Variants in SYT9 observed in about 807,000 individuals in gnomAD.
SYT9 encodes synaptotagmin 9.
SYT9 carries 22 observed loss-of-function variants against 48.4 expected under a neutral mutation model. The ratio of observed to expected loss-of-function variants is 0.45; its 90% CI spans 0.32 to 0.65. The LOEUF is 0.65. Among genes scored for constraint, SYT9 ranks in the 30% least tolerant of loss-of-function variants. The probability of loss-of-function intolerance (pLI) is 0.03; values close to 1 mark genes in which losing one functional copy is unlikely to be tolerated. For synonymous variants in SYT9, 265 were observed against 245.0 expected, an observed-to-expected ratio of 1.08 and a Z score of -0.76; for missense variants, 577 against 622.0, an observed-to-expected ratio of 0.93 and a Z score of 0.77.
At chr11:7,246,235 C>T (rs61880865) in intron 1 of SYT9, among the ~76,000 whole-genome samples, 1 of 152,034 alleles carries the variant, frequency 6.6e-6, no homozygotes, top group Non-Finnish European at 1.5e-5. Context: ...TGCTGGCCAC[C>T]AGTGGCCTAG....
chr11:7,364,987 C>T (rs1471959812), intron 3 of SYT9, among the ~76,000 whole-genome samples: 2 of 152,110 alleles, frequency 1.3e-5, no homozygotes, highest in Non-Finnish European at 2.9e-5. Context: ...TTATGGATTG[C>T]TAGGGGTCTC....
intron 1 of SYT9, among the ~76,000 whole-genome samples, chr11:7,261,865 T>C (rs1225917599): frequency 6.6e-6 from 1 of 152,100 alleles, no homozygotes; most frequent in East Asian, 1.9e-4. Context: ...GGCAGACTGA[T>C]TGTAGGCCTC....
At chr11:7,356,849 G>A (rs1238367178) in intron 3 of SYT9, among the ~76,000 whole-genome samples, 1 of 152,084 alleles carries the variant, frequency 6.6e-6, no homozygotes, top group African/African-American at 2.4e-5. Flanking sequence ...AACTGTTACT[G>A]TGTGCCAGGC....
At chr11:7,277,389 AT>A (rs1275136597) in intron 1 of SYT9, among the ~76,000 whole-genome samples, 4 of 152,222 alleles carry the variant, frequency 2.6e-5, no homozygotes, top group African/African-American at 9.6e-5. Flanking sequence ...TGAACATTGC[AT>A]TGTTGCTTTT....
chr11:7,389,431 C>T (rs1210787549), intron 3 of SYT9, among the ~76,000 whole-genome samples: 1 of 152,110 alleles, frequency 6.6e-6, no homozygotes, highest in Non-Finnish European at 1.5e-5. Flanking sequence ...CCAGTTAAAT[C>T]CATCAGGTGA....
At chr11:7,380,689 G>GATAA (rs1850544725) in intron 3 of SYT9, among the ~76,000 whole-genome samples, 2 of 152,180 alleles carry the variant, frequency 1.3e-5, no homozygotes, top group African/African-American at 4.8e-5. Context: ...GTCTCTAGTG[G>GATAA]GTTATGGCTG....
upstream of SYT9, among the ~76,000 whole-genome samples, chr11:7,251,130 A>ACC (rs1847859743): frequency 7.9e-6 from 1 of 127,230 alleles, no homozygotes; most frequent in African/African-American, 2.6e-5. Flanking sequence ...ACACACACAC[A>ACC]CACCCAGAGT....
Position 7,288,280 on chromosome 11 carries a change from A to G in SYT9, c.146-14759A>G, listed in dbSNP as rs555940781. 4.9e-3 allele frequency among the ~76,000 whole-genome samples: 499 copies of G among 101,086 alleles called. 3 individuals carry two copies. The highest frequency in any genetic ancestry group is 8.3e-3 in the Admixed American group (78 of 9,416). The allele number at this position is 101,086 out of a possible 152,430, so 66.3% of individuals were successfully genotyped here. A position where few individuals can be genotyped will look rare whatever the true frequency, so the allele number is the denominator to read the frequency against. ...GTATTTGGTAAAACTATGGCATTAT[A>G]TGTATTTGTAAAAAAAAAAAAACTC... is the stretch of plus-strand genomic sequence containing the variant. On this transcript the variant is annotated intron_variant, in intron 1 of 6. Transcript: ENST00000318881.
intron 1 of SYT9, among the ~76,000 whole-genome samples, chr11:7,255,415 TA>T (rs1847950364): frequency 6.6e-6 from 1 of 152,148 alleles, no homozygotes; most frequent in Non-Finnish European, 1.5e-5. Context: ...CTGAATGAGA[TA>T]GGAAGCCATT....
At chr11:7,368,053 A>G (rs563084902) in intron 3 of SYT9, among the ~76,000 whole-genome samples, 2 of 152,358 alleles carry the variant, frequency 1.3e-5, no homozygotes, top group South Asian at 2.1e-4. Flanking sequence ...AGACCCTGCA[A>G]TCTAACCTAG....
intron 3 of SYT9, among the ~76,000 whole-genome samples, chr11:7,400,874 T>C (rs1302661756): frequency 6.6e-6 from 1 of 152,158 alleles, no homozygotes; most frequent in African/African-American, 2.4e-5. Flanking sequence ...ATGTAATATA[T>C]ATAATAATGT....
intron 6 of SYT9, among the ~76,000 whole-genome samples, chr11:7,455,895 A>G (rs756755578): frequency 6.6e-6 from 1 of 152,140 alleles, no homozygotes; most frequent in Non-Finnish European, 1.5e-5. Flanking sequence ...AAGTATCACC[A>G]TCCAGTCAGA....
intron 3 of SYT9, among the ~76,000 whole-genome samples, chr11:7,343,330 C>T (rs1849745873): frequency 6.6e-6 from 1 of 152,162 alleles, no homozygotes; most frequent in African/African-American, 2.4e-5. Context: ...ATACTTTTAG[C>T]AGCACCCGAG....
chr11:7,295,605 T>C (rs1848787041), intron 1 of SYT9, among the ~76,000 whole-genome samples: 1 of 152,232 alleles, frequency 6.6e-6, no homozygotes. Context: ...AGTGTAAGCT[T>C]TTTCAAGCAT....
chr11:7,256,820 A>C (rs1847980347), intron 1 of SYT9, among the ~76,000 whole-genome samples: 1 of 152,192 alleles, frequency 6.6e-6, no homozygotes, highest in Non-Finnish European at 1.5e-5. Flanking sequence ...CCCAATGTTT[A>C]GAAAAGGTTC....
In SYT9 at chr11:7,449,596, G is replaced by C. The variant is rs549396268; in HGVS notation, c.1468-17196G>C. ...GGAAGTGGGGGCTGGTTTGGAGAAG[G>C]GGAAGTACAGGGCAGGATATGATGA... On this transcript the variant is annotated intron_variant, in intron 6 of 6. Coordinates refer to ENST00000318881, the MANE Select transcript of SYT9 (RefSeq NM_175733.4). Among the ~76,000 whole-genome samples the C allele has an allele frequency of 3.5e-4, 54 of 152,224 alleles. No individual in the cohort carries two copies. The South Asian group carries it at 0.011, about 30-fold the overall frequency.
At chr11:7,462,589 C>CA (rs1564912247) in intron 6 of SYT9, among the ~76,000 whole-genome samples, 1 of 152,114 alleles carries the variant, frequency 6.6e-6, no homozygotes. Context: ...AAGCAACAGT[C>CA]AACAAAATCA....
At chr11:7,297,581 C>T (rs139430228) in intron 1 of SYT9, among the ~76,000 whole-genome samples, 132 of 152,304 alleles carry the variant, frequency 8.7e-4, no homozygotes, top group African/African-American at 3.0e-3. Context: ...GCCGGACTGG[C>T]CCCTCTCTAG....
chr11:7,380,609 T>C (rs1850542930), intron 3 of SYT9, among the ~76,000 whole-genome samples: 1 of 151,720 alleles, frequency 6.6e-6, no homozygotes, highest in Non-Finnish European at 1.5e-5. Context: ...AAAAAATATA[T>C]AAGTAGCACA....
Sources: gnomAD v4.1 joint callset for allele counts (sites outside exome capture counted in the v4.1 genomes callset) on GRCh38, gnomAD v4.1.1 for gene constraint, MANE v1.5 for transcripts, NCBI Gene and HGNC (gene_info 2026-07-23, HGNC 2026-07-21) for gene names.